SIPA1L2: variants seen among roughly 807,000 people sequenced by gnomAD.
SIPA1L2 encodes signal-induced proliferation-associated 1-like protein 2.
SIPA1L2 carries 56 observed loss-of-function variants against 163.9 expected under a neutral mutation model. That is an observed-to-expected ratio of 0.34 (90% CI 0.28 to 0.43). The LOEUF is 0.43. Among genes scored for constraint, SIPA1L2 ranks in the 20% least tolerant of loss-of-function variants. SIPA1L2 has a pLI of 1.00. For synonymous variants in SIPA1L2, 877 were observed against 865.7 expected, an observed-to-expected ratio of 1.01 and a Z score of -0.23; for missense variants, 1,974 against 2,193.5, an observed-to-expected ratio of 0.90 and a Z score of 2.00.
chr1:232,461,198 G>A (rs1458627191), intron 9 of SIPA1L2, 37 bp from the exon 10 acceptor site: 4 of 1,595,552 alleles, frequency 2.5e-6, no homozygotes, highest in Non-Finnish European at 3.4e-6. Context: ...TGCCCTTCCT[G>A]CCCAAGCTGC....
At chr1:232,474,846 G>A (rs1378871464) in intron 7 of SIPA1L2, among the ~76,000 whole-genome samples, 1 of 152,104 alleles carries the variant, frequency 6.6e-6, no homozygotes, top group Non-Finnish European at 1.5e-5. Context: ...AGCACACTTG[G>A]GTGAAAAATG....
Position 232,464,966 on chromosome 1 carries a change from C to A in SIPA1L2, c.2694G>T (p.Arg898Ser). The A allele has an allele frequency of 6.2e-7, 1 of 1,614,184 alleles. No individual in the cohort carries two copies. Among genetic ancestry groups the A allele is most frequent in the East Asian group, 2.2e-5 (1 of 44,886 alleles). ...SKNVVFNCSC[R>S]DVIGWTSGLV... is the part of the protein sequence containing the mutation. ...ATCCAGATGTCCACCCAATCACATCCCTGCAGGAACAGTTGAATACAACAT... is the reference window on the plus strand; with the variant it reads ...ATCCAGATGTCCACCCAATCACATCACTGCAGGAACAGTTGAATACAACAT... Residue 898 changes from arginine to serine, a missense_variant, in exon 9 of 23, where the codon AGG becomes AGT. Arg to Ser is a moderately radical substitution (Grantham distance 110, BLOSUM62 -1). This residue lies in a region of SIPA1L2 where 1,079 missense variants were observed against 1,150.7 expected (regional missense o/e 0.94). Transcript: ENST00000674635.
chr1:232,545,838 CAACA>C lies in SIPA1L2; in HGVS notation c.-270+28332_-270+28335del, dbSNP rs575494654. On this transcript the variant is annotated intron_variant, in intron 2 of 22. Transcript: ENST00000674635. ...TTAATGTATTAATAACTTTCCCTGT[CAACA>C]AATAAAAATCTATATTACTTCTTTA... Among the ~76,000 whole-genome samples the C allele has an allele frequency of 1.4e-4, 21 of 152,282 alleles. No homozygotes were observed. The South Asian group carries it at 3.7e-3, about 27-fold the overall frequency.
chr1:232,426,426 A>G (rs10910459), intron 17 of SIPA1L2, among the ~76,000 whole-genome samples: 63,886 of 152,012 alleles, frequency 0.42, 15,099 homozygotes, highest in African/African-American at 0.63. Context: ...TCTGGGAGGC[A>G]GAGGCTGGTG....
intron 1 of SIPA1L2, among the ~76,000 whole-genome samples, chr1:232,582,366 T>C (rs1418650542): frequency 6.6e-6 from 1 of 152,136 alleles, no homozygotes; most frequent in East Asian, 1.9e-4. Flanking sequence ...CATCCATAGG[T>C]GCTCAATATT....
intron 18 of SIPA1L2, among the ~76,000 whole-genome samples, chr1:232,424,165 C>G (rs566882209): frequency 6.6e-6 from 1 of 151,940 alleles, no homozygotes; most frequent in Admixed American, 6.6e-5. Context: ...CACATAGGTT[C>G]ATCGATTATA....
rs573336235 is a variant in SIPA1L2, at chr1:232,404,660, G to C, written c.4763-482C>G. Among the ~76,000 whole-genome samples, 10 of 152,298 alleles carry C rather than the reference G, an allele frequency of 6.6e-5. No individual in the cohort carries two copies. In the East Asian group the frequency reaches 1.7e-3, roughly 27 times the overall value. Reference sequence around the variant, plus strand: ...GAACTTAATATTCAATGTTTTAAGAGGTCGGAAGGAAAGGGAATAGAATAG... The same window carrying C: ...GAACTTAATATTCAATGTTTTAAGACGTCGGAAGGAAAGGGAATAGAATAG... On this transcript the variant is annotated intron_variant, in intron 19 of 22. Transcript: ENST00000674635.
chr1:232,498,891 A>C (rs181464813), intron 3 of SIPA1L2, among the ~76,000 whole-genome samples: 163 of 152,302 alleles, frequency 1.1e-3, no homozygotes, highest in Non-Finnish European at 1.9e-3. Flanking sequence ...AGGGATTAGG[A>C]CCTGGACACC....
chr1:232,556,199 G>T (rs976876056), intron 2 of SIPA1L2, among the ~76,000 whole-genome samples: 1 of 152,198 alleles, frequency 6.6e-6, no homozygotes, highest in Non-Finnish European at 1.5e-5. Flanking sequence ...AACTTACAGA[G>T]GAATGAACTG....
intron 2 of SIPA1L2, among the ~76,000 whole-genome samples, chr1:232,517,312 T>C (rs1436890290): frequency 6.6e-6 from 1 of 152,178 alleles, no homozygotes; most frequent in Non-Finnish European, 1.5e-5. Context: ...TACCAGTATC[T>C]GTACAGCACA....
intron 19 of SIPA1L2, 113 bp downstream of exon 19, chr1:232,415,381 A>C (rs1192716527): frequency 5.2e-6 from 7 of 1,349,542 alleles, no homozygotes; most frequent in Admixed American, 6.3e-5. Context: ...CAAAACATTC[A>C]AAACTTTGAC....
chr1:232,577,210 G>A (rs909137658), intron 1 of SIPA1L2, among the ~76,000 whole-genome samples: 1 of 152,118 alleles, frequency 6.6e-6, no homozygotes, highest in Admixed American at 6.5e-5. Context: ...CTCTGCCCGT[G>A]CTCTATCATT....
intron 2 of SIPA1L2, among the ~76,000 whole-genome samples, chr1:232,532,845 C>T (rs1346057563): frequency 6.6e-6 from 1 of 152,140 alleles, no homozygotes; most frequent in African/African-American, 2.4e-5. Flanking sequence ...TACAGCAGAG[C>T]AATGAGATGC....
At chr1:232,599,246 C>G (rs937767490) in intron 1 of SIPA1L2, among the ~76,000 whole-genome samples, 2 of 152,124 alleles carry the variant, frequency 1.3e-5, no homozygotes, top group African/African-American at 4.8e-5. Flanking sequence ...TCCGGAACAC[C>G]GCAGCTTCTG....
intron 1 of SIPA1L2, among the ~76,000 whole-genome samples, chr1:232,598,377 C>T (rs1459021775): frequency 2.0e-5 from 3 of 152,134 alleles, no homozygotes; most frequent in Admixed American, 1.3e-4. Context: ...CATCAATGTA[C>T]TCCAGCTGAG....
At chr1:232,599,702 C>G (rs10752794) in intron 1 of SIPA1L2, among the ~76,000 whole-genome samples, 87,344 of 151,948 alleles carry the variant, frequency 0.57, 26,252 homozygotes, top group East Asian at 0.75. Context: ...CTGCTGTAGC[C>G]CCGGGCAAAG....
chr1:232,465,394 C>G lies in SIPA1L2; in HGVS notation c.2266G>C (p.Asp756His). 1 of 1,609,642 alleles carries G rather than the reference C, an allele frequency of 6.2e-7. No homozygotes were observed. Among genetic ancestry groups the G allele is most frequent in the Non-Finnish European group, 8.5e-7 (1 of 1,176,674 alleles). Residue 756 changes from aspartate (D) to histidine (H), a missense_variant, in exon 9 of 23, where the codon GAT (aspartate) becomes CAT (histidine). Around this residue, in one of 3 missense-constraint regions of SIPA1L2, gnomAD observed 288 missense variants for 418.9 expected, o/e 0.69. Coordinates refer to ENST00000674635, the MANE Select transcript of SIPA1L2 (RefSeq NM_020808.5). This position sits in a 1 kb window ranked among gnomAD's most constrained non-coding sequence, Gnocchi z 4.1. The part of the protein sequence containing the change: ...CYSVGVSRSK[D>H]VPPFGPPIPK... ...ATCGGTGGGCCAAATGGTGGCACAT[C>G]TTTTGATCTGGAAACTCCAACACTG...
chr1:232,461,179 T>G lies in SIPA1L2; in HGVS notation c.2821-18A>C, dbSNP rs776186058. ...GTCACTATCTAAGGGGGAAGGAGAC[T>G]GTTAGAGATGCCCTTCCTGCCCAAG... On this transcript the variant is annotated intron_variant, in intron 9 of 22. Transcript: ENST00000674635. 4 of 1,607,794 alleles carry G rather than the reference T, an allele frequency of 2.5e-6. No homozygotes were observed. Among genetic ancestry groups the G allele is most frequent in the Admixed American group, 1.7e-5 (1 of 59,712 alleles).
At chr1:232,516,839 C>G (rs1364352157) in intron 2 of SIPA1L2, among the ~76,000 whole-genome samples, 1 of 152,142 alleles carries the variant, frequency 6.6e-6, no homozygotes, top group African/African-American at 2.4e-5. Flanking sequence ...ATGAAGAAAA[C>G]TAGCTATATT....
Sources: allele counts gnomAD v4.1 joint callset (sites outside exome capture counted in the v4.1 genomes callset), GRCh38; gene constraint gnomAD v4.1.1; regional missense constraint gnomAD v4.1.1; non-coding constraint Gnocchi (gnomAD v3.1); transcripts MANE v1.5; gene names NCBI Gene and HGNC (gene_info 2026-07-23, HGNC 2026-07-21).